The following SLC24A2 variants were observed in gnomAD, a reference collection of about 807,000 sequenced individuals.
SLC24A2 encodes solute carrier family 24 member 2, also known as sodium/potassium/calcium exchanger 2.
A neutral mutation model predicts 62.0 loss-of-function variants in SLC24A2; 36 were observed. That is an observed-to-expected ratio of 0.58 (90% CI 0.44 to 0.77). SLC24A2 has a LOEUF of 0.77. Ranked by LOEUF, SLC24A2 falls within the 30% of genes least tolerant of loss-of-function variation. The probability of loss-of-function intolerance (pLI) is 0.00; values close to 1 mark genes in which losing one functional copy is unlikely to be tolerated. For missense variants in SLC24A2, 846 were observed against 817.9 expected, an observed-to-expected ratio of 1.03 and a Z score of -0.42; for synonymous variants, 358 against 294.0, an observed-to-expected ratio of 1.22 and a Z score of -2.23.
At chr9:19,523,700 T>C (rs146027908) in intron 9 of SLC24A2, among the ~76,000 whole-genome samples, 3,692 of 152,244 alleles carry the variant, frequency 0.024, 65 homozygotes, top group Middle Eastern at 0.061. Flanking sequence ...TGACCTCAGG[T>C]AATCCGCCTG....
intron 2 of SLC24A2, among the ~76,000 whole-genome samples, chr9:19,671,563 T>C (rs1265917125): frequency 6.6e-6 from 1 of 152,152 alleles, no homozygotes; most frequent in East Asian, 1.9e-4. Flanking sequence ...TCTTATCTGA[T>C]TGCTCTGGCT....
the SLC24A2 span, among the ~76,000 whole-genome samples, chr9:20,297,741 T>C: frequency 3.3e-5 from 5 of 152,182 alleles, no homozygotes; most frequent in Non-Finnish European, 7.3e-5. Context: ...GTCCAAATAA[T>C]GCACAGCAGA....
the SLC24A2 span, among the ~76,000 whole-genome samples, chr9:19,853,105 T>C: frequency 6.6e-6 from 1 of 152,206 alleles, no homozygotes; most frequent in Non-Finnish European, 1.5e-5. Context: ...ATTAATAATT[T>C]GGCCCTCTAC....
At chr9:20,181,992 G>A in the SLC24A2 span, among the ~76,000 whole-genome samples, 2 of 152,190 alleles carry the variant, frequency 1.3e-5, no homozygotes, top group African/African-American at 4.8e-5. Context: ...CTTATCAAAA[G>A]AAGACATTTA....
rs148248249 is a variant in SLC24A2 at position 19,775,523 on chromosome 9, G to A, written c.930+10414C>T. Among the ~76,000 whole-genome samples, 106 of 152,364 alleles carry A rather than the reference G, an allele frequency of 7.0e-4. 1 individual carries two copies. The highest frequency in any genetic ancestry group is 2.5e-3 in the African/African-American group (104 of 41,596). ...TTAGCCAAATGGACATAGATGGTGT[G>A]TGTGCTTGGAGAGGAAGCATTGATG... is the stretch of plus-strand genomic sequence containing the variant. On this transcript the variant is annotated intron_variant, in intron 2 of 10. Coordinates refer to ENST00000341998, the MANE Select transcript of SLC24A2 (RefSeq NM_020344.4).
At chr9:19,658,167 T>C (rs1818995138) in intron 2 of SLC24A2, among the ~76,000 whole-genome samples, 1 of 152,212 alleles carries the variant, frequency 6.6e-6, no homozygotes, top group Admixed American at 6.5e-5. Context: ...GAACTTTCAC[T>C]TGGGTTGATG....
At chr9:19,665,629 T>C (rs1157825335) in intron 2 of SLC24A2, among the ~76,000 whole-genome samples, 2 of 151,956 alleles carry the variant, frequency 1.3e-5, no homozygotes, top group Non-Finnish European at 2.9e-5. Flanking sequence ...GTTTCCTTAT[T>C]TGTTGTTGTT....
chr9:20,018,174 C>G, the SLC24A2 span, among the ~76,000 whole-genome samples: 6 of 152,172 alleles, frequency 3.9e-5, no homozygotes, highest in African/African-American at 1.4e-4. Flanking sequence ...ATTTTGATCT[C>G]CTGACCTTGT....
At chr9:19,787,318 A>C (rs1002356231) in intron 1 of SLC24A2, among the ~76,000 whole-genome samples, 1 of 152,238 alleles carries the variant, frequency 6.6e-6, no homozygotes, top group Non-Finnish European at 1.5e-5. Flanking sequence ...GGTGCAGAGA[A>C]GGCAGATGTA....
the SLC24A2 span, among the ~76,000 whole-genome samples, chr9:20,126,527 A>T: frequency 6.6e-6 from 1 of 152,184 alleles, no homozygotes; most frequent in African/African-American, 2.4e-5. Flanking sequence ...TCTTTTTAGA[A>T]TTCAGCACAT....
chr9:19,775,389 G>C (rs1366513089), intron 2 of SLC24A2, among the ~76,000 whole-genome samples: 2 of 152,200 alleles, frequency 1.3e-5, no homozygotes, highest in African/African-American at 2.4e-5. Flanking sequence ...ATCATGCTGT[G>C]ATCTATGCCT....
At chr9:19,636,322 T>TTCTTTTC (rs376017966) in intron 2 of SLC24A2, among the ~76,000 whole-genome samples, 943 of 30,390 alleles carry the variant, frequency 0.031, 78 homozygotes, top group African/African-American at 0.041. Context: ...TTCTTTTCTT[T>TTCTTTTC]CTTTCTTTCT....
chr9:19,665,954 C>T (rs1043291068), intron 2 of SLC24A2, among the ~76,000 whole-genome samples: 5 of 152,020 alleles, frequency 3.3e-5, no homozygotes, highest in Non-Finnish European at 4.4e-5. Flanking sequence ...CCACTGCACC[C>T]GGCCCGTGTT....
intron 2 of SLC24A2, among the ~76,000 whole-genome samples, chr9:19,664,500 T>A (rs1165943877): frequency 6.6e-6 from 1 of 152,188 alleles, no homozygotes; most frequent in African/African-American, 2.4e-5. Context: ...AATCCAAGGT[T>A]TGAAAGTGCA....
chr9:20,112,769 T>C, the SLC24A2 span, among the ~76,000 whole-genome samples: 1 of 152,026 alleles, frequency 6.6e-6, no homozygotes. Context: ...GCGAATCACC[T>C]AATTTTTAGT....
In SLC24A2 at chr9:19,773,502, T is replaced by C. The variant is rs569403436; in HGVS notation, c.930+12435A>G. ...AGGGTTTCTAATGATTCCTCTTTCA[T>C]AAGTAGGAAATTAGTCATTTGCTGC... On this transcript the variant is annotated intron_variant, in intron 2 of 10. Transcript: ENST00000341998. Among the ~76,000 whole-genome samples the C allele has an allele frequency of 8.7e-4, 132 of 152,350 alleles. 1 individual carries two copies. The highest frequency in any genetic ancestry group is 1.2e-3 in the Non-Finnish European group (82 of 68,032).
At chr9:20,206,671 G>A in the SLC24A2 span, among the ~76,000 whole-genome samples, 101 of 151,938 alleles carry the variant, frequency 6.6e-4, no homozygotes, top group African/African-American at 2.2e-3. Flanking sequence ...TAGTAGAGAC[G>A]GGGTTTCACC....
chr9:19,644,389 G>T (rs377333459), intron 2 of SLC24A2, among the ~76,000 whole-genome samples: 267 of 152,276 alleles, frequency 1.8e-3, no homozygotes, highest in Middle Eastern at 0.01. Context: ...GCCTGGCAGG[G>T]TCTTTGTATT....
chr9:19,551,344 C>T (rs1297520544), intron 7 of SLC24A2, among the ~76,000 whole-genome samples: 4 of 152,140 alleles, frequency 2.6e-5, no homozygotes, highest in Admixed American at 6.5e-5. Context: ...CAATGGCCAG[C>T]GTTTTATTTG....
Sources: gnomAD v4.1 joint callset for allele counts (sites outside exome capture counted in the v4.1 genomes callset) on GRCh38, gnomAD v4.1.1 for gene constraint, MANE v1.5 for transcripts, NCBI Gene and HGNC (gene_info 2026-07-23, HGNC 2026-07-21) for gene names.